Variants in PEX14 observed in about 807,000 individuals in gnomAD.
PEX14 encodes the protein peroxisomal biogenesis factor 14, also known as peroxisomal membrane protein PEX14.
PEX14 carries 15 observed loss-of-function variants against 49.5 expected under a neutral mutation model. The ratio of observed to expected loss-of-function variants is 0.30; its 90% CI spans 0.20 to 0.47. The LOEUF (loss-of-function observed/expected upper bound fraction) is 0.47. PEX14 is among the 20% of genes least tolerant of loss of function. PEX14 has a pLI of 1.00. For missense variants in PEX14, 398 were observed against 494.8 expected, an observed-to-expected ratio of 0.80 and a Z score of 1.86; for synonymous variants, 210 against 212.7, an observed-to-expected ratio of 0.99 and a Z score of 0.11.
intron 3 of PEX14, among the ~76,000 whole-genome samples, chr1:10,559,922 G>A (rs1264029238): frequency 6.6e-6 from 1 of 152,108 alleles, no homozygotes; most frequent in Non-Finnish European, 1.5e-5. Context: ...ACTCTGCGTT[G>A]CTGCCAGATG....
At chr1:10,477,995 TCTC>T (rs1424696524) in intron 1 of PEX14, among the ~76,000 whole-genome samples, 1 of 152,050 alleles carries the variant, frequency 6.6e-6, no homozygotes, top group Non-Finnish European at 1.5e-5. Flanking sequence ...TTCAAGTGAT[TCTC>T]CTGCCTCAGC....
intron 3 of PEX14, among the ~76,000 whole-genome samples, chr1:10,575,310 A>G (rs1454399861): frequency 6.6e-6 from 1 of 152,214 alleles, no homozygotes; most frequent in Non-Finnish European, 1.5e-5. Context: ...AAAAACGCAT[A>G]GTTGAAGATA....
At chr1:10,488,790 A>G (rs1171909868) in intron 1 of PEX14, among the ~76,000 whole-genome samples, 1 of 152,164 alleles carries the variant, frequency 6.6e-6, no homozygotes, top group Non-Finnish European at 1.5e-5. Flanking sequence ...GGCGTGAGCC[A>G]CTGTGCTCGG....
intron 2 of PEX14, among the ~76,000 whole-genome samples, chr1:10,517,947 T>C (rs1642000298): frequency 6.6e-6 from 1 of 152,178 alleles, no homozygotes; most frequent in Admixed American, 6.5e-5. Flanking sequence ...AATGGTGGAC[T>C]CTAGAACCTT....
At chr1:10,504,879 C>T (rs1222069765) in intron 2 of PEX14, among the ~76,000 whole-genome samples, 1 of 151,944 alleles carries the variant, frequency 6.6e-6, no homozygotes, top group East Asian at 1.9e-4. Flanking sequence ...CTCCGCCTCC[C>T]AGGGTCAAGC....
chr1:10,588,930 G>GA (rs1042374729), intron 3 of PEX14, among the ~76,000 whole-genome samples: 1 of 151,968 alleles, frequency 6.6e-6, no homozygotes, highest in African/African-American at 2.4e-5. Context: ...TGTGAAAGAG[G>GA]AAAAAAAATT....
At chr1:10,608,508 A>G (rs979050242) in intron 4 of PEX14, among the ~76,000 whole-genome samples, 18 of 152,044 alleles carry the variant, frequency 1.2e-4, no homozygotes, top group Non-Finnish European at 2.6e-4. Flanking sequence ...CTAAAAGTAC[A>G]AAAATTAGCT....
At chr1:10,549,137 A>C (rs1181956743) in intron 3 of PEX14, among the ~76,000 whole-genome samples, 2 of 152,180 alleles carry the variant, frequency 1.3e-5, no homozygotes, top group African/African-American at 4.8e-5. Flanking sequence ...AGGAAAAAAA[A>C]AATCATGACC....
At chr1:10,475,439 C>T (rs947244688) in intron 1 of PEX14, among the ~76,000 whole-genome samples, 124 of 152,184 alleles carry the variant, frequency 8.1e-4, no homozygotes, top group African/African-American at 2.8e-3. Context: ...CCTCCTGGAG[C>T]GGCTGCCAGC....
At chr1:10,616,608 G>C (rs1196391397) in intron 4 of PEX14, among the ~76,000 whole-genome samples, 2 of 152,138 alleles carry the variant, frequency 1.3e-5, no homozygotes, top group Admixed American at 6.5e-5. Flanking sequence ...CAGATCCTTC[G>C]GGGGGAGGCA....
chr1:10,611,735 G>T (rs1338703171), intron 4 of PEX14, among the ~76,000 whole-genome samples: 3 of 152,176 alleles, frequency 2.0e-5, no homozygotes, highest in Non-Finnish European at 4.4e-5. Context: ...TTTCCCTAAT[G>T]GCTAATGACA....
intron 2 of PEX14, among the ~76,000 whole-genome samples, chr1:10,499,245 A>G (rs1365311338): frequency 1.3e-5 from 2 of 152,232 alleles, no homozygotes; most frequent in East Asian, 1.9e-4. Context: ...CAGCAATACT[A>G]TAGCTCATCT....
intron 1 of PEX14, among the ~76,000 whole-genome samples, chr1:10,490,046 A>G (rs1431832978): frequency 6.6e-6 from 1 of 152,182 alleles, no homozygotes; most frequent in African/African-American, 2.4e-5. Flanking sequence ...GTGACATGAA[A>G]TAACTTATCA....
chr1:10,501,374 G>A (rs1021842850), intron 2 of PEX14, among the ~76,000 whole-genome samples: 1 of 151,980 alleles, frequency 6.6e-6, no homozygotes. Context: ...GCACGATCTC[G>A]GCTCACTGCA....
chr1:10,555,191 T>C (rs536749691), intron 3 of PEX14, among the ~76,000 whole-genome samples: 1 of 152,258 alleles, frequency 6.6e-6, no homozygotes, highest in Admixed American at 6.5e-5. Flanking sequence ...ATAGTCACTG[T>C]AGCAGTCTAC....
chr1:10,571,754 A>C (rs7524790), intron 3 of PEX14, among the ~76,000 whole-genome samples: 93,196 of 151,638 alleles, frequency 0.61, 29,871 homozygotes, highest in Admixed American at 0.7. Context: ...GGTTGCAGGG[A>C]GCCGTGATTG....
At chr1:10,583,417 G>A (rs921327150) in intron 3 of PEX14, among the ~76,000 whole-genome samples, 3 of 140,794 alleles carry the variant, frequency 2.1e-5, no homozygotes, top group Non-Finnish European at 3.1e-5. Flanking sequence ...AGGTGAGGTT[G>A]CACTATGTTG....
At chr1:10,519,081 G>A (rs1009653961) in intron 2 of PEX14, among the ~76,000 whole-genome samples, 3 of 152,112 alleles carry the variant, frequency 2.0e-5, no homozygotes, top group African/African-American at 7.2e-5. Context: ...CCAACAGGGG[G>A]TGAATGATTT....
At chr1:10,562,934 C>T (rs1253606601) in intron 3 of PEX14, among the ~76,000 whole-genome samples, 1 of 138,684 alleles carries the variant, frequency 7.2e-6, no homozygotes, top group Admixed American at 7.7e-5. Flanking sequence ...TTTTTAGAGA[C>T]AGAGTCTCTC....
Sources: allele counts gnomAD v4.1 joint callset (sites outside exome capture counted in the v4.1 genomes callset), GRCh38; gene constraint gnomAD v4.1.1; transcripts MANE v1.5; gene names NCBI Gene and HGNC (gene_info 2026-07-23, HGNC 2026-07-21).